CTBP2: variants seen among roughly 807,000 people sequenced by gnomAD.
The protein encoded by CTBP2 is C-terminal binding protein 2, also known as C-terminal-binding protein 2.
In CTBP2, 30 loss-of-function variants were observed where a neutral mutation model predicts 80.3. The ratio of observed to expected loss-of-function variants is 0.37; its 90% CI spans 0.28 to 0.51. CTBP2 has a LOEUF of 0.51. CTBP2 is among the 20% of genes least tolerant of loss of function. The pLI is 0.93. For missense variants in CTBP2, 1,212 were observed against 1,375.3 expected (o/e 0.88, Z 1.88); for synonymous variants, 594 against 587.4 (o/e 1.01, Z -0.16).
rs1166896085 is a variant in CTBP2 at position 125,016,556 on chromosome 10, T to C, written c.1678+9526A>G. 5.9e-5 allele frequency among the ~76,000 whole-genome samples: 9 copies of C among 152,224 alleles called. No homozygotes were observed. In the South Asian group the frequency reaches 1.7e-3, roughly 28 times the overall value. On this transcript the variant is annotated intron_variant, in intron 1 of 8. Coordinates refer to ENST00000309035, the MANE Select transcript of CTBP2 (RefSeq NM_022802.3). ...AAAATAACACCCTCCTCCTTAGCTA[T>C]GGCAGCCAAGGCTGAGATGGGAGAG...
chr10:125,080,253 A>G (rs1231625717), intron 2 of CTBP2, among the ~76,000 whole-genome samples: 1 of 152,024 alleles, frequency 6.6e-6, no homozygotes, highest in Non-Finnish European at 1.5e-5. Flanking sequence ...AAACTCACAA[A>G]GAGAAATACA....
At chr10:125,010,039 G>A (rs1463798367) in intron 1 of CTBP2, among the ~76,000 whole-genome samples, 2 of 152,098 alleles carry the variant, frequency 1.3e-5, no homozygotes, top group Non-Finnish European at 2.9e-5. Flanking sequence ...CCAGCAGCCG[G>A]GAAGGTGCCT....
intron 1 of CTBP2, among the ~76,000 whole-genome samples, chr10:125,141,585 C>T (rs183273672): frequency 2.6e-5 from 4 of 152,186 alleles, no homozygotes; most frequent in African/African-American, 4.8e-5. Context: ...CACAGGAGCA[C>T]GGAACAGGAA....
intron 1 of CTBP2, chr10:125,005,846 C>T (rs1186367181): frequency 1.3e-6 from 2 of 1,582,322 alleles, no homozygotes; most frequent in African/African-American, 1.4e-5. Context: ...AGGAACACCC[C>T]AACTTCACTT....
At chr10:124,994,353 C>T (rs1229463434) in intron 5 of CTBP2, 116 bp downstream of exon 7, 4 of 1,030,294 alleles carry the variant, frequency 3.9e-6, no homozygotes, top group Non-Finnish European at 5.8e-6. Context: ...GGCCTCTTCC[C>T]TGCTCAACAG....
chr10:125,020,802 T>A (rs1338344182), intron 1 of CTBP2, among the ~76,000 whole-genome samples: 1 of 152,120 alleles, frequency 6.6e-6, no homozygotes, highest in African/African-American at 2.4e-5. Flanking sequence ...CTGGCCAGAC[T>A]CCTGGTCAGA....
intron 4 of CTBP2, among the ~76,000 whole-genome samples, chr10:124,995,787 C>T (rs965558986): frequency 3.3e-5 from 5 of 152,202 alleles, no homozygotes; most frequent in African/African-American, 7.2e-5. Context: ...GTGGCAGGGA[C>T]GGAGTGAGAG....
At chr10:125,137,476 A>G (rs1359112837) in intron 1 of CTBP2, among the ~76,000 whole-genome samples, 2 of 152,202 alleles carry the variant, frequency 1.3e-5, no homozygotes, top group African/African-American at 4.8e-5. Context: ...ACATCAAGGC[A>G]CCGACTTTAT....
At chr10:125,045,910 A>G (rs1961116736) in intron 2 of CTBP2, among the ~76,000 whole-genome samples, 1 of 152,046 alleles carries the variant, frequency 6.6e-6, no homozygotes, top group African/African-American at 2.4e-5. Context: ...ACATGGTCAC[A>G]CCCTGGTCAC....
intron 5 of CTBP2, 85 bp downstream of exon 7, chr10:124,994,384 G>A (rs948587680): frequency 1.8e-5 from 24 of 1,343,604 alleles, no homozygotes; most frequent in Admixed American, 3.7e-5. Context: ...AACCACCTCC[G>A]TTGCCCTCCG....
At chr10:125,052,162 C>CG (rs1962938162) in intron 2 of CTBP2, among the ~76,000 whole-genome samples, 2 of 152,214 alleles carry the variant, frequency 1.3e-5, no homozygotes, top group Admixed American at 6.5e-5. Context: ...CAGGACCCCC[C>CG]GGCAGGAAGC....
intron 2 of CTBP2, among the ~76,000 whole-genome samples, chr10:125,077,532 G>C (rs1590597229): frequency 6.6e-6 from 1 of 152,216 alleles, no homozygotes; most frequent in South Asian, 2.1e-4. Flanking sequence ...ACCAGGCCTG[G>C]CAGCCAATAG....
intron 1 of CTBP2, among the ~76,000 whole-genome samples, chr10:125,118,417 A>T (rs1853703329): frequency 6.6e-6 from 1 of 152,206 alleles, no homozygotes; most frequent in African/African-American, 2.4e-5. Flanking sequence ...CAAATTGATA[A>T]ACGGGTGCTG....
upstream of CTBP2, among the ~76,000 whole-genome samples, chr10:125,028,643 G>C (rs189777456): frequency 3.6e-3 from 542 of 152,372 alleles, 7 homozygotes; most frequent in African/African-American, 0.012. Context: ...GGGGGCCGGG[G>C]AGTGCCAGGG....
intron 2 of CTBP2, among the ~76,000 whole-genome samples, chr10:125,052,821 G>T (rs1328637615): frequency 6.6e-6 from 1 of 152,316 alleles, no homozygotes; most frequent in East Asian, 1.9e-4. Context: ...GCGCCCACTG[G>T]ATCTCAGGCT....
In CTBP2 at chr10:125,152,215, G is replaced by C. The variant is rs992858021; in HGVS notation, c.-206+8104C>G. On this transcript the variant is annotated intron_variant, in intron 1 of 10. Transcript: ENST00000337195. Reference sequence around the variant, plus strand: ...ATGGAGGGGGCTTCACCTGGGGCTCGGGAGCCAGGAACCCCGGGACCCCGG... The same window carrying C: ...ATGGAGGGGGCTTCACCTGGGGCTCCGGAGCCAGGAACCCCGGGACCCCGG... Among the ~76,000 whole-genome samples the C allele has an allele frequency of 3.3e-4, 50 of 152,026 alleles. 1 individual carries two copies. Among genetic ancestry groups the C allele is most frequent in the Non-Finnish European group, 6.3e-4 (43 of 67,934 alleles).
chr10:125,114,852 C>A lies in CTBP2; in HGVS notation c.-205-3759G>T, dbSNP rs1161439384. ...GGCGAGCAGCTCAACCTGGCCTGGC[C>A]CCCCCATGCCGCCTGCTGTGAGCAG... On this transcript the variant is annotated intron_variant, in intron 1 of 10. Transcript: ENST00000337195. 2.7e-5 allele frequency among the ~76,000 whole-genome samples: 4 copies of A among 149,402 alleles called. No individual in the cohort carries two copies. The South Asian group carries it at 6.4e-4, about 24-fold the overall frequency.
At chr10:125,091,089 T>G (rs978667569) in intron 2 of CTBP2, among the ~76,000 whole-genome samples, 1 of 152,138 alleles carries the variant, frequency 6.6e-6, no homozygotes, top group Admixed American at 6.5e-5. Context: ...ACAAAGGATA[T>G]GACTTAACAC....
chr10:125,155,853 A>C (rs1860821418), intron 1 of CTBP2, among the ~76,000 whole-genome samples: 1 of 152,200 alleles, frequency 6.6e-6, no homozygotes, highest in Non-Finnish European at 1.5e-5. Flanking sequence ...AGACATGCTT[A>C]CCAGCTGTAA....
Sources: allele counts gnomAD v4.1 joint callset (sites outside exome capture counted in the v4.1 genomes callset), GRCh38; gene constraint gnomAD v4.1.1; transcripts MANE v1.5; gene names NCBI Gene and HGNC (gene_info 2026-07-23, HGNC 2026-07-21).